ATP2A3: variants seen among roughly 807,000 people sequenced by gnomAD.
ATP2A3 encodes sarcoplasmic/endoplasmic reticulum calcium ATPase 3.
ATP2A3 carries 61 observed loss-of-function variants against 106.8 expected under a neutral mutation model. The ratio of observed to expected loss-of-function variants is 0.57; its 90% CI spans 0.46 to 0.71. ATP2A3 has a LOEUF of 0.71. Ranked by LOEUF, ATP2A3 falls within the 30% of genes least tolerant of loss-of-function variation. ATP2A3 has a pLI of 0.00. For synonymous variants in ATP2A3, 611 were observed against 609.3 expected, an observed-to-expected ratio of 1.00 and a Z score of -0.04; for missense variants, 1,201 against 1,423.5, an observed-to-expected ratio of 0.84 and a Z score of 2.52.
chr17:3,924,942 C>A lies in ATP2A3; in HGVS notation c.*480G>T. The A allele has an allele frequency of 2.4e-6, 1 of 424,658 alleles. No individual in the cohort carries two copies. Among genetic ancestry groups the A allele is most frequent in the Non-Finnish European group, 4.7e-6 (1 of 212,252 alleles). The allele number at this position is 424,658 out of a possible 1,614,324, so 26.3% of individuals were successfully genotyped here. A position where few individuals can be genotyped will look rare whatever the true frequency, so the allele number is the denominator to read the frequency against. ...TCTGATCCCCCAGGGCTGACCCAGT[C>A]CCAGACCAGGCACGAAGAGAGAGGT... On this transcript the variant is annotated 3_prime_UTR_variant, in exon 21 of 21. Transcript: ENST00000397041. This position sits in a 1 kb window ranked among gnomAD's most constrained non-coding sequence, Gnocchi z 6.4.
In ATP2A3 at chr17:3,941,212, C is replaced by A; in HGVS notation, c.1859G>T (p.Arg620Leu). Residue 620 changes from arginine to leucine, a missense_variant, in exon 14 of 21, where the codon CGC becomes CTC. Coordinates refer to ENST00000397041, the MANE Select transcript of ATP2A3 (RefSeq NM_005173.4). ...CITRCYQAGI[R>L]VVMITGDNKG... ...GTTATCCCCCGTGATCATGACCACG[C>A]GGATGCCCGCCTGGTAGCAGCGTGT... The A allele has an allele frequency of 6.2e-7, 1 of 1,614,096 alleles. No homozygotes were observed. Among genetic ancestry groups the A allele is most frequent in the Non-Finnish European group, 8.5e-7 (1 of 1,180,024 alleles).
At position 3,930,181 on chromosome 17, in the gene ATP2A3, C is replaced by T. The variant is rs1314461954; in HGVS notation, c.2744+120G>A. On this transcript the variant is annotated intron_variant, in intron 18 of 20. Transcript: ENST00000397041. The surrounding 1 kb of genome is among the most constrained non-coding windows in gnomAD (Gnocchi z 5.4). ...AGCCCTCAGCCCCCACTCCTCGGCC[C>T]CAGCTCCAGGCCCTGCGCCCAGCCC... 1 of 1,136,070 alleles carries T rather than the reference C, an allele frequency of 8.8e-7. No individual in the cohort carries two copies. The highest frequency in any genetic ancestry group is 1.6e-5 in the African/African-American group (1 of 63,032). 70.4% of individuals were successfully genotyped at this position (1,136,070 alleles called of 1,614,324 possible). A position where few individuals can be genotyped will look rare whatever the true frequency, so the allele number is the denominator to read the frequency against.
At chr17:3,935,107 C>T in intron 17 of ATP2A3, 85 bp downstream of exon 17, 1 of 1,380,792 alleles carries the variant, frequency 7.2e-7, no homozygotes, top group Non-Finnish European at 1.0e-6. Flanking sequence ...TGCAGGCCAC[C>T]CATGCGGCTC....
At chr17:3,943,573 G>C in intron 10 of ATP2A3, 51 bp from the exon 11 acceptor site, 1 of 1,610,712 alleles carries the variant, frequency 6.2e-7, no homozygotes, top group Non-Finnish European at 8.5e-7. Context: ...CCTCCAGCCC[G>C]CATCCCCAGC....
chr17:3,947,686 A>T lies in ATP2A3; in HGVS notation c.800T>A (p.Ile267Asn). The change falls in exon 8 of 21, where the codon ATC becomes AAC. Residue 267 changes from isoleucine (I) to asparagine (N), a missense_variant. Coordinates refer to ENST00000397041, the MANE Select transcript of ATP2A3 (RefSeq NM_005173.4). The surrounding 1 kb of genome is among the most constrained non-coding windows in gnomAD (Gnocchi z 7.7). ...GTTGATGACCCACACGGCCACGCAG[A>T]TCACAGAGATGGCGTGGGACAGCTG... Reference protein sequence around the residue: ...GRQLSHAISVICVAVWVINIG... With the variant: ...GRQLSHAISVNCVAVWVINIG... The T allele has an allele frequency of 1.2e-6, 2 of 1,612,026 alleles. No individual in the cohort carries two copies.
In ATP2A3 at chr17:3,937,521, T is replaced by G; in HGVS notation, c.2216A>C (p.Asn739Thr). 2 of 1,614,060 alleles carry G rather than the reference T, an allele frequency of 1.2e-6. No individual in the cohort carries two copies. Among genetic ancestry groups the G allele is most frequent in the Non-Finnish European group, 8.5e-7 (1 of 1,179,990 alleles). Residue 739 changes from asparagine to threonine, a missense_variant, in exon 15 of 21, where the codon AAC becomes ACC. Around this residue, in one of 2 missense-constraint regions of ATP2A3, gnomAD observed 935 missense variants for 1,176.7 expected, o/e 0.79. Transcript: ENST00000397041. ...SAAEMVLSDDNFASIVAAVEE... is the reference protein window; with the variant it reads ...SAAEMVLSDDTFASIVAAVEE... ...CACCGCAGCCACGATGGAGGCAAAG[T>G]TGTCATCTGACAGCACCATCTCTGC...
rs539381322 is a variant in ATP2A3 at position 3,936,640 on chromosome 17, C to T, written c.2322-171G>A. On this transcript the variant is annotated intron_variant, in intron 15 of 20. Coordinates refer to ENST00000397041, the MANE Select transcript of ATP2A3 (RefSeq NM_005173.4). This position sits in a 1 kb window ranked among gnomAD's most constrained non-coding sequence, Gnocchi z 5.4. The stretch of plus-strand genomic sequence containing the variant: ...AGGGTGTGTGTACACAGCTCTGCCT[C>T]GGGCCTGGCCAGTCCTGCCTTCCCC... 2.1e-4 allele frequency: 150 copies of T among 722,302 alleles called. No homozygotes were observed. In the Middle Eastern group the frequency reaches 2.3e-3, roughly 11 times the overall value. The allele number at this position is 722,302 out of a possible 1,614,324, so 44.7% of individuals were successfully genotyped here.
At chr17:3,942,855 G>T in intron 11 of ATP2A3, 124 bp from the exon 12 acceptor site, 1 of 1,429,464 alleles carries the variant, frequency 7.0e-7, no homozygotes. Context: ...ACACTCCTCT[G>T]ACCCCACCAT....
chr17:3,949,127 CAAAAAAAAAA>C (rs869265323), intron 7 of ATP2A3, among the ~76,000 whole-genome samples: 21 of 60,006 alleles, frequency 3.5e-4, no homozygotes, highest in Admixed American at 4.7e-4. Flanking sequence ...GACTCTGTCT[CAAAAAAAAAA>C]AAAAAAAAAA....
chr17:3,939,940 C>A (rs1342496653), intron 14 of ATP2A3, among the ~76,000 whole-genome samples: 1 of 149,048 alleles, frequency 6.7e-6, no homozygotes, highest in African/African-American at 2.5e-5. Flanking sequence ...AAAAAAAAAA[C>A]CGAAAACAGT....
At position 3,929,147 on chromosome 17, in the gene ATP2A3, G is replaced by A. The variant is rs899559650; in HGVS notation, c.2862+181C>T. ...TCAGCAAGGGGTTTCCCCCTCTTCC[G>A]TCCCCCAGGTCTGGGAGCTCCTGAA... On this transcript the variant is annotated intron_variant, in intron 19 of 20. Transcript: ENST00000397041. This position sits in a 1 kb window ranked among gnomAD's most constrained non-coding sequence, Gnocchi z 4.3. Among the ~76,000 whole-genome samples, 8 of 152,218 alleles carry A rather than the reference G, an allele frequency of 5.3e-5. No homozygotes were observed. The highest frequency in any genetic ancestry group is 2.1e-4 in the South Asian group (1 of 4,818).
intron 11 of ATP2A3, 124 bp downstream of exon 11, chr17:3,943,267 G>A (rs1302613863): frequency 4.5e-6 from 6 of 1,329,486 alleles, no homozygotes; most frequent in East Asian, 4.7e-5. Context: ...ATGAGACTCC[G>A]TCTCAAAAAA....
rs2054575617 is a variant in ATP2A3 at position 3,953,497 on chromosome 17, G to A, written c.137-68C>T. On this transcript the variant is annotated intron_variant, in intron 2 of 20. Coordinates refer to ENST00000397041, the MANE Select transcript of ATP2A3 (RefSeq NM_005173.4). This position sits in a 1 kb window ranked among gnomAD's most constrained non-coding sequence, Gnocchi z 5.1. The stretch of plus-strand genomic sequence containing the variant: ...ACCCTGCCCACTCAGAGCTGGGATG[G>A]CCCGGGAGACCTCCCGGCCCATTCC... 1.9e-6 allele frequency: 3 copies of A among 1,573,146 alleles called. No individual in the cohort carries two copies. Among genetic ancestry groups the A allele is most frequent in the East Asian group, 2.2e-5 (1 of 44,508 alleles).
In ATP2A3 at chr17:3,941,485, C is replaced by T. The variant is rs112116136; in HGVS notation, c.1715G>A (p.Arg572Lys). The stretch of plus-strand genomic sequence containing the variant: ...GTCGTCCAGCTCCATGTCCTCCTTC[C>T]TTGGGGGCGCGTCCCGGGTGGCCAG... ...LALATRDAPP[R>K]KEDMELDDCS... The change falls in exon 13 of 21, where the codon AGG becomes AAG. Residue 572 changes from arginine to lysine, a missense_variant. By Grantham distance (26) the Arg-to-Lys change is conservative (BLOSUM62 2). Coordinates refer to ENST00000397041, the MANE Select transcript of ATP2A3 (RefSeq NM_005173.4). 8.1e-6 allele frequency: 13 copies of T among 1,613,880 alleles called. 1 individual carries two copies. In the African/African-American group the frequency reaches 9.3e-5, roughly 12 times the overall value.
chr17:3,944,984 A>G, intron 9 of ATP2A3, 76 bp downstream of exon 9: 1 of 1,316,766 alleles, frequency 7.6e-7, no homozygotes, highest in Non-Finnish European at 9.8e-7. Flanking sequence ...GGGGCCTCCC[A>G]CGGCCACCTC....
intron 14 of ATP2A3, among the ~76,000 whole-genome samples, chr17:3,940,600 C>T (rs113847530): frequency 2.6e-5 from 4 of 152,218 alleles, no homozygotes; most frequent in African/African-American, 7.2e-5. Flanking sequence ...CTCTGCCTCC[C>T]GGATTCAAGT....
rs778489600 is a variant in ATP2A3 at position 3,951,566 on chromosome 17, C to T, written c.324+15G>A. 9.9e-5 allele frequency: 155 copies of T among 1,564,812 alleles called. No individual in the cohort carries two copies. The highest frequency in any genetic ancestry group is 1.3e-4 in the Non-Finnish European group (151 of 1,155,034). ...AGACCGCCCCCCGCCCGGTCCCACC[C>T]CCAGTGCCTCCCACCTGCCACACGC... On this transcript the variant is annotated intron_variant, in intron 4 of 20. Transcript: ENST00000397041.
intron 20 of ATP2A3, chr17:3,927,286 G>C (rs1224628056): frequency 1.0e-6 from 1 of 985,370 alleles, no homozygotes; most frequent in Non-Finnish European, 1.2e-6. Context: ...CGTGCTGGCT[G>C]AGACATTTTA....
At position 3,928,408 on chromosome 17, in the gene ATP2A3, G is replaced by A; in HGVS notation, c.2980+255C>T. On this transcript the variant is annotated intron_variant, in intron 20 of 20. Coordinates refer to ENST00000397041, the MANE Select transcript of ATP2A3 (RefSeq NM_005173.4). The surrounding 1 kb of genome is among the most constrained non-coding windows in gnomAD (Gnocchi z 6.1). ...ATGTAGGGGGTGGCAGGTGAAGACA[G>A]TGAGGCAGTGTGGCCCAAGAGGTGC... 3.7e-6 allele frequency: 5 copies of A among 1,348,460 alleles called. No homozygotes were observed. Among genetic ancestry groups the A allele is most frequent in the Non-Finnish European group, 3.1e-6 (3 of 960,732 alleles). The allele number at this position is 1,348,460 out of a possible 1,614,324, so 83.5% of individuals were successfully genotyped here. A position where few individuals can be genotyped will look rare whatever the true frequency, so the allele number is the denominator to read the frequency against.
Sources: allele counts gnomAD v4.1 joint callset (sites outside exome capture counted in the v4.1 genomes callset), GRCh38; gene constraint gnomAD v4.1.1; regional missense constraint gnomAD v4.1.1; non-coding constraint Gnocchi (gnomAD v3.1); transcripts MANE v1.5; gene names NCBI Gene and HGNC (gene_info 2026-07-23, HGNC 2026-07-21).